RSU1: variants seen among roughly 807,000 people sequenced by gnomAD.
The protein encoded by RSU1 is Ras suppressor protein 1.
In RSU1, 26 loss-of-function variants were observed where a neutral mutation model predicts 31.1. The observed-to-expected ratio is 0.84, with a 90% CI of 0.61 to 1.16. RSU1 has a LOEUF of 1.16. Among genes scored for constraint, RSU1 ranks in the 50% most tolerant of loss-of-function variants. The pLI, the probability that RSU1 is intolerant of heterozygous loss-of-function variation, is 0.00. For missense variants in RSU1, 320 were observed against 339.1 expected, an observed-to-expected ratio of 0.94 and a Z score of 0.44; for synonymous variants, 164 against 136.3, an observed-to-expected ratio of 1.20 and a Z score of -1.41.
intron 8 of RSU1, among the ~76,000 whole-genome samples, chr10:16,685,032 G>C (rs1372930543): frequency 6.6e-6 from 1 of 152,158 alleles, no homozygotes; most frequent in African/African-American, 2.4e-5. Context: ...CGGATCACCT[G>C]AGGTCACGGG....
intron 8 of RSU1, among the ~76,000 whole-genome samples, chr10:16,683,688 C>T (rs1321478487): frequency 2.6e-5 from 4 of 152,162 alleles, no homozygotes; most frequent in Admixed American, 2.6e-4. Context: ...TGAGTGACCA[C>T]GGTCGTGACA....
Position 16,661,299 on chromosome 10 carries a change from T to C in RSU1, c.731+33724A>G, listed in dbSNP as rs1024664511. ...TATGTAGAGAGTGCGTGTGTGTGTG[T>C]GTGTGTGTGTGTGTGTGTGTGTGTG... On this transcript the variant is annotated intron_variant, in intron 8 of 8. Coordinates refer to ENST00000345264, the MANE Select transcript of RSU1 (RefSeq NM_012425.4). Among the ~76,000 whole-genome samples, 354 of 148,516 alleles carry C rather than the reference T, an allele frequency of 2.4e-3. 3 individuals are homozygous for C. The highest frequency in any genetic ancestry group is 8.4e-3 in the African/African-American group (334 of 39,550).
intron 7 of RSU1, 84 bp downstream of exon 7, chr10:16,752,455 G>A: frequency 1.0e-6 from 1 of 970,628 alleles, no homozygotes; most frequent in Non-Finnish European, 1.6e-6. Context: ...GCCAAGAAGA[G>A]GACAGAGGTT....
At chr10:16,666,316 G>A (rs17138972) in intron 8 of RSU1, among the ~76,000 whole-genome samples, 3,248 of 152,274 alleles carry the variant, frequency 0.021, 73 homozygotes, top group East Asian at 0.11. Context: ...CACAGAATGC[G>A]TGTAGAAACA....
chr10:16,802,305 C>G (rs1382227831), intron 2 of RSU1, among the ~76,000 whole-genome samples: 1 of 151,756 alleles, frequency 6.6e-6, no homozygotes, highest in Non-Finnish European at 1.5e-5. Context: ...AACTCAATGT[C>G]CAAAAATGTT....
chr10:16,636,335 C>T (rs1210884771), intron 8 of RSU1, among the ~76,000 whole-genome samples: 1 of 152,050 alleles, frequency 6.6e-6, no homozygotes, highest in Non-Finnish European at 1.5e-5. Flanking sequence ...TCAAGTCGCT[C>T]AGCTAAAATA....
intron 7 of RSU1, among the ~76,000 whole-genome samples, chr10:16,696,335 A>G (rs1165567129): frequency 1.3e-5 from 2 of 152,210 alleles, no homozygotes; most frequent in Non-Finnish European, 2.9e-5. Flanking sequence ...TACAAAGCAA[A>G]TCATTGCCTA....
Position 16,817,097 on chromosome 10 carries a change from A to C in RSU1, c.-3-13T>G. 1.3e-6 allele frequency: 2 copies of C among 1,570,688 alleles called. No individual in the cohort carries two copies. The highest frequency in any genetic ancestry group is 2.7e-5 in the African/African-American group (2 of 74,282). On this transcript the variant is annotated splice_polypyrimidine_tract_variant and intron_variant, in intron 1 of 8. Transcript: ENST00000345264. Reference sequence around the variant, plus strand: ...ACTTGGACATGGTCTGCACCGAACAACAACAAAGCACGTGGGCGATGACAG... The same window carrying C: ...ACTTGGACATGGTCTGCACCGAACACCAACAAAGCACGTGGGCGATGACAG...
rs199718142 is a variant in RSU1, at chr10:16,695,161, G to T, written c.599-6C>A. ...GCCAGTTAAATCCAAGTTTCCTGGG[G>T]GGGGGGAAAAAAAAAGTGAAGGTCA... On this transcript the variant is annotated splice_region_variant and splice_polypyrimidine_tract_variant and intron_variant, in intron 7 of 8. Transcript: ENST00000345264. 18 of 1,483,246 alleles carry T rather than the reference G, an allele frequency of 1.2e-5. 1 individual carries two copies. Among genetic ancestry groups the T allele is most frequent in the Admixed American group, 6.3e-5 (3 of 47,838 alleles). 91.9% of individuals were successfully genotyped at this position (1,483,246 alleles called of 1,614,324 possible). A position where few individuals can be genotyped will look rare whatever the true frequency, so the allele number is the denominator to read the frequency against.
At chr10:16,722,322 T>C (rs141519886) in intron 7 of RSU1, among the ~76,000 whole-genome samples, 2,669 of 152,252 alleles carry the variant, frequency 0.018, 66 homozygotes, top group African/African-American at 0.054. Context: ...GGTGGGAATA[T>C]TGTTTAAGAA....
At chr10:16,688,388 C>T (rs759889862) in intron 8 of RSU1, among the ~76,000 whole-genome samples, 3 of 152,022 alleles carry the variant, frequency 2.0e-5, no homozygotes, top group South Asian at 4.2e-4. Flanking sequence ...GGACGGGTCA[C>T]GAGGTCAGGA....
chr10:16,785,435 T>C (rs942779216), intron 2 of RSU1, among the ~76,000 whole-genome samples: 1 of 140,544 alleles, frequency 7.1e-6, no homozygotes, highest in South Asian at 2.2e-4. Context: ...TACATATATA[T>C]ATATACACAT....
rs1833496148 is a variant in RSU1, at chr10:16,591,006, G to C, written c.*2388C>G. 6.6e-6 allele frequency: 1 copy of C among 152,084 alleles called. No individual in the cohort carries two copies. The highest frequency in any genetic ancestry group is 2.4e-5 in the African/African-American group (1 of 41,412). The allele number at this position is 152,084 out of a possible 1,614,324, so 9.4% of individuals were successfully genotyped here. On this transcript the variant is annotated 3_prime_UTR_variant, in exon 9 of 9. Transcript: ENST00000345264. ...AGCTCAGTGCAACCTCTGCCTCCCG[G>C]GTTCAATCAATTCTCCTGCCTCAGC...
chr10:16,645,322 A>C (rs564193855), intron 8 of RSU1, among the ~76,000 whole-genome samples: 9 of 152,300 alleles, frequency 5.9e-5, no homozygotes, highest in African/African-American at 1.9e-4. Flanking sequence ...GTTTGTTTGC[A>C]TGTTTCCCAA....
intron 7 of RSU1, among the ~76,000 whole-genome samples, chr10:16,702,169 T>A (rs1282007394): frequency 6.6e-6 from 1 of 152,214 alleles, no homozygotes; most frequent in African/African-American, 2.4e-5. Flanking sequence ...TGCCTAGATT[T>A]CAGAGAATGT....
At chr10:16,701,331 C>G (rs1835788850) in intron 7 of RSU1, among the ~76,000 whole-genome samples, 1 of 152,144 alleles carries the variant, frequency 6.6e-6, no homozygotes, top group East Asian at 1.9e-4. Flanking sequence ...AGATGACGGT[C>G]TAAAAACCTA....
At chr10:16,790,699 T>G (rs1227624467) in intron 2 of RSU1, among the ~76,000 whole-genome samples, 1 of 152,134 alleles carries the variant, frequency 6.6e-6, no homozygotes, top group East Asian at 1.9e-4. Context: ...AGGGACCTGG[T>G]GGGAAGTGAC....
intron 8 of RSU1, among the ~76,000 whole-genome samples, chr10:16,670,554 C>A (rs1835087168): frequency 6.6e-6 from 1 of 152,138 alleles, no homozygotes. Flanking sequence ...GACTTGGCCA[C>A]AGGAAGGTAA....
At chr10:16,668,588 T>A (rs1220376703) in intron 8 of RSU1, among the ~76,000 whole-genome samples, 3 of 152,200 alleles carry the variant, frequency 2.0e-5, no homozygotes, top group Non-Finnish European at 4.4e-5. Flanking sequence ...GAAATAGGAT[T>A]TAATTGAACA....
Sources: gnomAD v4.1 joint callset for allele counts (sites outside exome capture counted in the v4.1 genomes callset) on GRCh38, gnomAD v4.1.1 for gene constraint, MANE v1.5 for transcripts, NCBI Gene and HGNC (gene_info 2026-07-23, HGNC 2026-07-21) for gene names.